ARSG: variants seen among roughly 807,000 people sequenced by gnomAD.
ARSG encodes ASG.
A neutral mutation model predicts 50.5 loss-of-function variants in ARSG; 37 were observed. That is an observed-to-expected ratio of 0.73 (90% confidence interval 0.56 to 0.96). The LOEUF is 0.96. ARSG is among the 50% of genes least tolerant of loss of function. The probability of loss-of-function intolerance (pLI) is 0.00; values close to 1 mark genes in which losing one functional copy is unlikely to be tolerated. For missense variants in ARSG, 629 were observed against 675.3 expected, an observed-to-expected ratio of 0.93 and a Z score of 0.76; for synonymous variants, 225 against 254.6, an observed-to-expected ratio of 0.88 and a Z score of 1.11.
At chr17:68,421,693 A>T (rs1223035346), downstream of ARSG, 1 of 1,595,152 alleles carries the variant, frequency 6.3e-7, no homozygotes, top group African/African-American at 1.3e-5. Flanking sequence ...ACACAATTGC[A>T]CTCCATTCTT....
chr17:68,262,507 A>G (rs1255349424), intron 1 of ARSG, among the ~76,000 whole-genome samples: 1 of 144,736 alleles, frequency 6.9e-6, no homozygotes, highest in African/African-American at 2.5e-5. Flanking sequence ...AGGCTAGTGT[A>G]GCAGGAGCAG....
At chr17:68,427,774 G>A in the ARSG span, among the ~76,000 whole-genome samples, 2 of 152,184 alleles carry the variant, frequency 1.3e-5, no homozygotes, top group African/African-American at 2.4e-5. Flanking sequence ...CACAGGTGAG[G>A]ACATGCTAGC....
intron 2 of ARSG, among the ~76,000 whole-genome samples, chr17:68,323,792 G>A (rs1409144154): frequency 6.6e-6 from 1 of 152,172 alleles, no homozygotes; most frequent in Non-Finnish European, 1.5e-5. Context: ...CAATCCACAG[G>A]CTGGGTGCTG....
the ARSG span, among the ~76,000 whole-genome samples, chr17:68,447,666 C>T: frequency 6.6e-6 from 1 of 152,184 alleles, no homozygotes; most frequent in Non-Finnish European, 1.5e-5. Context: ...GCTGGGACCA[C>T]ACTTGGCCCT....
chr17:68,338,974 C>T (rs2078147900), intron 2 of ARSG, among the ~76,000 whole-genome samples: 1 of 152,200 alleles, frequency 6.6e-6, no homozygotes. Context: ...AAATGAATCC[C>T]TTTGTTATAA....
At chr17:68,313,683 C>CTT (rs58911609) in intron 2 of ARSG, among the ~76,000 whole-genome samples, 13 of 128,230 alleles carry the variant, frequency 1.0e-4, no homozygotes, top group African/African-American at 2.9e-4. Context: ...CTCTCTCTCT[C>CTT]TTTTTTTTTT....
chr17:68,368,056 G>A (rs1213351387), intron 6 of ARSG, among the ~76,000 whole-genome samples: 1 of 152,090 alleles, frequency 6.6e-6, no homozygotes, highest in Non-Finnish European at 1.5e-5. Context: ...GGCGACAAGA[G>A]TGCGACTCTG....
At chr17:68,379,567 T>G (rs1365717773) in intron 8 of ARSG, among the ~76,000 whole-genome samples, 1 of 151,602 alleles carries the variant, frequency 6.6e-6, no homozygotes, top group Non-Finnish European at 1.5e-5. Flanking sequence ...TGCGAGCCAC[T>G]GCACTGGGCT....
intron 10 of ARSG, among the ~76,000 whole-genome samples, chr17:68,398,395 A>T (rs2081340976): frequency 6.6e-6 from 1 of 152,256 alleles, no homozygotes; most frequent in Admixed American, 6.5e-5. Flanking sequence ...ATGTATACAT[A>T]CGTGTATATA....
chr17:68,334,221 G>C (rs915533763), intron 2 of ARSG, among the ~76,000 whole-genome samples: 1 of 152,134 alleles, frequency 6.6e-6, no homozygotes, highest in Non-Finnish European at 1.5e-5. Flanking sequence ...GACAGGACTG[G>C]GATCTCACAG....
rs894582900 is a variant in ARSG, at chr17:68,418,386, T to A, written c.1304-1803T>A. ...CATGAACTGTTTGTCAAAGCTCATG[T>A]CACTGCCCTGTACTGGCAATGAAGA... On this transcript the variant is annotated intron_variant, in intron 11 of 11. Transcript: ENST00000621439. 2.6e-5 allele frequency among the ~76,000 whole-genome samples: 4 copies of A among 152,208 alleles called. No homozygotes were observed. The East Asian group carries it at 7.7e-4, about 29-fold the overall frequency.
intron 4 of ARSG, among the ~76,000 whole-genome samples, chr17:68,347,894 A>T (rs2078584210): frequency 6.6e-6 from 1 of 152,124 alleles, no homozygotes; most frequent in South Asian, 2.1e-4. Context: ...TATTTTGCAG[A>T]CTTCTCCCCT....
chr17:68,450,508 G>A, the ARSG span, among the ~76,000 whole-genome samples: 2 of 152,216 alleles, frequency 1.3e-5, no homozygotes, highest in Admixed American at 6.5e-5. Context: ...AGGGACCAAC[G>A]TTCTGGAAAC....
rs12952609 is a variant in ARSG at position 68,342,595 on chromosome 17, A to G, written c.219-1009A>G. Among the ~76,000 whole-genome samples, 462 of 151,808 alleles carry G rather than the reference A, an allele frequency of 3.0e-3. 5 individuals are homozygous for G. The highest frequency in any genetic ancestry group is 4.5e-3 in the Non-Finnish European group (305 of 67,892). On this transcript the variant is annotated intron_variant, in intron 2 of 11. Coordinates refer to ENST00000621439, the MANE Select transcript of ARSG (RefSeq NM_001267727.2). ...GGCTGGTCTTGAACTCCTGACCTCAAGTGATCCACCTGCCTCGGCCTCCCA... is the reference window on the plus strand; with the variant it reads ...GGCTGGTCTTGAACTCCTGACCTCAGGTGATCCACCTGCCTCGGCCTCCCA...
At chr17:68,404,786 C>G (rs1019989265) in intron 11 of ARSG, among the ~76,000 whole-genome samples, 22 of 152,122 alleles carry the variant, frequency 1.4e-4, no homozygotes, top group South Asian at 6.2e-4. Context: ...AAGATTTTGT[C>G]ATATTTTTAA....
At chr17:68,393,425 G>A (rs901938636) in intron 9 of ARSG, among the ~76,000 whole-genome samples, 19 of 152,092 alleles carry the variant, frequency 1.2e-4, no homozygotes, top group African/African-American at 3.9e-4. Context: ...ATTGATTGTC[G>A]AGATATAGCA....
In ARSG at chr17:68,403,239, C is replaced by T. The variant is rs149720603; in HGVS notation, c.1303+1789C>T. On this transcript the variant is annotated intron_variant, in intron 11 of 11. Coordinates refer to ENST00000621439, the MANE Select transcript of ARSG (RefSeq NM_001267727.2). ...ACATTATCTAAGAGGTATGGGACCTCCAGGCTGAGTTAATTTCACAAGTAA... is the reference window on the plus strand; with the variant it reads ...ACATTATCTAAGAGGTATGGGACCTTCAGGCTGAGTTAATTTCACAAGTAA... Among the ~76,000 whole-genome samples the T allele has an allele frequency of 8.9e-3, 1,360 of 152,268 alleles. 23 individuals are homozygous for T. Among genetic ancestry groups the T allele is most frequent in the African/African-American group, 0.031 (1,287 of 41,548 alleles).
chr17:68,331,935 A>C (rs2077791536), intron 2 of ARSG, among the ~76,000 whole-genome samples: 1 of 152,196 alleles, frequency 6.6e-6, no homozygotes, highest in Non-Finnish European at 1.5e-5. Flanking sequence ...AAATGGAGGC[A>C]GGGCGAGATC....
chr17:68,360,514 C>A (rs2079232456), intron 6 of ARSG, among the ~76,000 whole-genome samples: 1 of 152,208 alleles, frequency 6.6e-6, no homozygotes, highest in African/African-American at 2.4e-5. Flanking sequence ...GTGTTTCACC[C>A]AAGACCCTCG....
Sources: allele counts gnomAD v4.1 joint callset (sites outside exome capture counted in the v4.1 genomes callset), GRCh38; gene constraint gnomAD v4.1.1; transcripts MANE v1.5; gene names NCBI Gene and HGNC (gene_info 2026-07-23, HGNC 2026-07-21).